The following SLC8A1 variants were observed in gnomAD, a reference collection of about 807,000 sequenced individuals.
SLC8A1 encodes the protein sodium/calcium exchanger 1.
Under a neutral mutation model 68.3 loss-of-function variants are expected in SLC8A1, and 18 were observed. The ratio of observed to expected loss-of-function variants is 0.26; its 90% confidence interval spans 0.18 to 0.39. The LOEUF (loss-of-function observed/expected upper bound fraction) is 0.39, where lower values mean the gene tolerates loss of function less well. Ranked by LOEUF, SLC8A1 falls within the 10% of genes least tolerant of loss-of-function variation. The pLI is 1.00. For synonymous variants in SLC8A1, 475 were observed against 415.5 expected, an observed-to-expected ratio of 1.14 and a Z score of -1.74; for missense variants, 985 against 1,156.7, an observed-to-expected ratio of 0.85 and a Z score of 2.15.
At chr2:40,184,898 C>CAAAAAAAAAAAAAAAAAAAAAA (rs66662572) in intron 2 of SLC8A1, among the ~76,000 whole-genome samples, 13 of 106,514 alleles carry the variant, frequency 1.2e-4, no homozygotes, top group South Asian at 3.3e-4. Context: ...TAACCAAAAA[C>CAAAAAAAAAAAAAAAAAAAAAA]AAAAAAAAAA....
intron 1 of SLC8A1, among the ~76,000 whole-genome samples, chr2:40,468,459 T>C (rs1427013137): frequency 6.6e-6 from 1 of 152,132 alleles, no homozygotes; most frequent in Admixed American, 6.5e-5. Flanking sequence ...CACGGCTCAT[T>C]AAGTTTAAAT....
At chr2:40,256,352 C>CA (rs1393285579) in intron 2 of SLC8A1, among the ~76,000 whole-genome samples, 1 of 152,100 alleles carries the variant, frequency 6.6e-6, no homozygotes, top group East Asian at 1.9e-4. Flanking sequence ...GACCAAGGCT[C>CA]ACTGGCCAAG....
intron 2 of SLC8A1, among the ~76,000 whole-genome samples, chr2:40,334,425 T>C (rs966858415): frequency 1.3e-5 from 2 of 152,186 alleles, no homozygotes; most frequent in Non-Finnish European, 2.9e-5. Flanking sequence ...ACAATGACAA[T>C]ATTTTTTACA....
chr2:40,504,163 T>C (rs566672254), intron 1 of SLC8A1, among the ~76,000 whole-genome samples: 3 of 151,800 alleles, frequency 2.0e-5, no homozygotes, highest in Non-Finnish European at 1.5e-5. Flanking sequence ...CACCTATAGA[T>C]AGTGAACTCA....
intron 2 of SLC8A1, among the ~76,000 whole-genome samples, chr2:40,198,859 G>A (rs1181498615): frequency 6.6e-6 from 1 of 151,592 alleles, no homozygotes; most frequent in Non-Finnish European, 1.5e-5. Flanking sequence ...TGCTGATACA[G>A]GGTTGAAGGG....
intron 7 of SLC8A1, among the ~76,000 whole-genome samples, chr2:40,118,824 T>C (rs1441552060): frequency 6.6e-6 from 1 of 151,968 alleles, no homozygotes; most frequent in Non-Finnish European, 1.5e-5. Flanking sequence ...TAATTCCCTC[T>C]GTATGCTACA....
intron 2 of SLC8A1, among the ~76,000 whole-genome samples, chr2:40,347,945 A>T (rs144964925): frequency 1.3e-5 from 2 of 152,326 alleles, no homozygotes; most frequent in African/African-American, 4.8e-5. Flanking sequence ...GGCCCACTTG[A>T]AATTATAAGC....
At chr2:40,330,392 T>C (rs72796701) in intron 2 of SLC8A1, among the ~76,000 whole-genome samples, 13,685 of 152,296 alleles carry the variant, frequency 0.09, 810 homozygotes, top group Non-Finnish European at 0.14. Flanking sequence ...ATGTGTGTTG[T>C]TGGACTAAAC....
At chr2:40,279,333 C>CTAT (rs1466896179) in intron 2 of SLC8A1, among the ~76,000 whole-genome samples, 5 of 152,264 alleles carry the variant, frequency 3.3e-5, no homozygotes, top group South Asian at 4.1e-4. Context: ...TAGCAATAAT[C>CTAT]TATAATACAG....
At chr2:40,141,124 C>G (rs1168846531) in intron 6 of SLC8A1, among the ~76,000 whole-genome samples, 1 of 152,148 alleles carries the variant, frequency 6.6e-6, no homozygotes, top group Non-Finnish European at 1.5e-5. Flanking sequence ...TGCTACTTTA[C>G]TTGGTCCCAC....
intron 2 of SLC8A1, among the ~76,000 whole-genome samples, chr2:40,393,357 T>C (rs1358081460): frequency 6.6e-6 from 1 of 152,140 alleles, no homozygotes; most frequent in Non-Finnish European, 1.5e-5. Flanking sequence ...TCTATGTTTA[T>C]GGTTGCTTTA....
chr2:40,114,319 GAC>G (rs2034962693), exon 8 of SLC8A1: 1 of 152,814 alleles, frequency 6.5e-6, no homozygotes, highest in Non-Finnish European at 1.5e-5. Flanking sequence ...ATGGGACTGA[GAC>G]ACATGTTAAT....
chr2:40,428,038 T>C (rs1287726335), intron 2 of SLC8A1, among the ~76,000 whole-genome samples: 2 of 152,168 alleles, frequency 1.3e-5, no homozygotes, highest in African/African-American at 4.8e-5. Flanking sequence ...TCAGGGTGTT[T>C]CCTTTTTGGG....
intron 2 of SLC8A1, among the ~76,000 whole-genome samples, chr2:40,234,085 C>CT: frequency 6.6e-6 from 1 of 152,294 alleles, no homozygotes; most frequent in Admixed American, 6.5e-5. Context: ...GATGCAGGCT[C>CT]TTTTTTGGTT....
At chr2:40,510,376 A>G (rs909339887) in intron 1 of SLC8A1, among the ~76,000 whole-genome samples, 3 of 152,198 alleles carry the variant, frequency 2.0e-5, no homozygotes, top group African/African-American at 7.2e-5. Context: ...ATTAGTTTTC[A>G]AGAGAAAAAA....
chr2:40,489,766 G>T (rs1304359901), intron 1 of SLC8A1, among the ~76,000 whole-genome samples: 1 of 151,868 alleles, frequency 6.6e-6, no homozygotes, highest in Non-Finnish European at 1.5e-5. Context: ...GTGGCTTCTT[G>T]ACCACATTCC....
chr2:40,408,500 T>G lies in SLC8A1; in HGVS notation c.1808+19973A>C, dbSNP rs539344190. Reference sequence around the variant, plus strand: ...ACAGGAAATTTTGGCACTTTGGACATTCCTTTTACACAAGGGACACAGTAA... The same window carrying G: ...ACAGGAAATTTTGGCACTTTGGACAGTCCTTTTACACAAGGGACACAGTAA... On this transcript the variant is annotated intron_variant, in intron 2 of 7. Coordinates refer to ENST00000406785, the Ensembl canonical transcript of SLC8A1. Among the ~76,000 whole-genome samples, 14 of 152,318 alleles carry G rather than the reference T, an allele frequency of 9.2e-5. No individual in the cohort carries two copies. In the South Asian group the frequency reaches 2.9e-3, roughly 32 times the overall value.
chr2:40,266,255 C>T (rs1263101991), intron 2 of SLC8A1, among the ~76,000 whole-genome samples: 4 of 152,148 alleles, frequency 2.6e-5, no homozygotes, highest in African/African-American at 9.7e-5. Context: ...TCTCAGGTCT[C>T]CTATTCTCCA....
intron 2 of SLC8A1, among the ~76,000 whole-genome samples, chr2:40,279,309 G>T (rs538366625): frequency 1.0e-3 from 156 of 152,250 alleles, no homozygotes; most frequent in African/African-American, 3.5e-3. Context: ...CAGGCACAGG[G>T]CACTTGGACA....
Sources: allele counts gnomAD v4.1 joint callset (sites outside exome capture counted in the v4.1 genomes callset), GRCh38; gene constraint gnomAD v4.1.1; transcripts MANE v1.5; gene names NCBI Gene and HGNC (gene_info 2026-07-23, HGNC 2026-07-21).